Variants in GNG12 observed in about 807,000 individuals in gnomAD.
GNG12 encodes the protein G protein subunit gamma 12.
For synonymous variants in GNG12, 28 were observed against 29.7 expected, an observed-to-expected ratio of 0.94 and a Z score of 0.19; for missense variants, 69 against 83.8, an observed-to-expected ratio of 0.82 and a Z score of 0.69.
intron 2 of GNG12, among the ~76,000 whole-genome samples, chr1:67,770,904 A>G (rs1646670504): frequency 6.6e-6 from 1 of 152,136 alleles, no homozygotes; most frequent in Admixed American, 6.6e-5. Flanking sequence ...CCTCCCTTGG[A>G]ATGAATACTG....
At chr1:67,783,364 C>A (rs373250472) in intron 1 of GNG12, among the ~76,000 whole-genome samples, 1 of 152,106 alleles carries the variant, frequency 6.6e-6, no homozygotes, top group African/African-American at 2.4e-5. Flanking sequence ...AAATTCCTAA[C>A]GGTGAAATTA....
At chr1:67,800,813 T>C (rs962353944) in intron 1 of GNG12, among the ~76,000 whole-genome samples, 2 of 151,868 alleles carry the variant, frequency 1.3e-5, no homozygotes, top group Admixed American at 6.5e-5. Context: ...AAATAATATC[T>C]TAATATGATT....
chr1:67,746,831 A>C (rs1292683364), intron 2 of GNG12, among the ~76,000 whole-genome samples: 1 of 152,234 alleles, frequency 6.6e-6, no homozygotes, highest in Non-Finnish European at 1.5e-5. Flanking sequence ...AGGTGAAAAG[A>C]GACAACAGAA....
At chr1:67,796,350 C>G (rs1164594205) in intron 1 of GNG12, among the ~76,000 whole-genome samples, 1 of 152,120 alleles carries the variant, frequency 6.6e-6, no homozygotes, top group Non-Finnish European at 1.5e-5. Flanking sequence ...GACTGGCACA[C>G]TCAGGATGCT....
intron 1 of GNG12, among the ~76,000 whole-genome samples, chr1:67,792,186 C>T (rs534723374): frequency 2.0e-5 from 3 of 151,908 alleles, no homozygotes; most frequent in East Asian, 2.0e-4. Flanking sequence ...TGAATTATTC[C>T]CTCTCCTTCA....
chr1:67,770,944 A>G (rs903423656), intron 2 of GNG12, among the ~76,000 whole-genome samples: 2 of 152,062 alleles, frequency 1.3e-5, no homozygotes, highest in Non-Finnish European at 2.9e-5. Context: ...GGGCATTTCA[A>G]ATTTCCAAAA....
chr1:67,813,539 T>C (rs1646937893), intron 1 of GNG12, among the ~76,000 whole-genome samples: 1 of 152,216 alleles, frequency 6.6e-6, no homozygotes, highest in Non-Finnish European at 1.5e-5. Context: ...AGCTCCTGTC[T>C]TCCTTGACCC....
At chr1:67,816,349 G>A (rs1232151515) in intron 1 of GNG12, among the ~76,000 whole-genome samples, 1 of 152,082 alleles carries the variant, frequency 6.6e-6, no homozygotes, top group Non-Finnish European at 1.5e-5. Context: ...AAGGTGGAAG[G>A]GAAATGTATT....
intron 2 of GNG12, among the ~76,000 whole-genome samples, chr1:67,765,993 C>A (rs1410967438): frequency 2.0e-5 from 3 of 152,002 alleles, no homozygotes; most frequent in African/African-American, 7.3e-5. Flanking sequence ...CAGCTGTGAG[C>A]CTTAAGCCTG....
intron 1 of GNG12, among the ~76,000 whole-genome samples, chr1:67,814,622 T>C (rs1646943472): frequency 6.6e-6 from 1 of 152,248 alleles, no homozygotes; most frequent in African/African-American, 2.4e-5. Flanking sequence ...GGACTTTCTG[T>C]CCTCTTGTAG....
chr1:67,706,765 C>T (rs1646251031), intron 3 of GNG12, among the ~76,000 whole-genome samples: 1 of 151,742 alleles, frequency 6.6e-6, no homozygotes, highest in African/African-American at 2.4e-5. Context: ...AAGCAATTCT[C>T]CTGCCTCAGC....
chr1:67,746,468 C>G (rs1263178960), intron 2 of GNG12, among the ~76,000 whole-genome samples: 1 of 151,938 alleles, frequency 6.6e-6, no homozygotes, highest in African/African-American at 2.4e-5. Flanking sequence ...TTCTTCTCAG[C>G]AATCAACTCA....
intron 1 of GNG12, among the ~76,000 whole-genome samples, chr1:67,809,437 A>G (rs1219748944): frequency 6.6e-6 from 1 of 152,218 alleles, no homozygotes; most frequent in Non-Finnish European, 1.5e-5. Flanking sequence ...AATAAGCTAC[A>G]CTTCATTAAA....
chr1:67,770,647 C>T (rs142234312), intron 2 of GNG12, among the ~76,000 whole-genome samples: 19 of 152,076 alleles, frequency 1.2e-4, no homozygotes, highest in African/African-American at 4.1e-4. Context: ...ACCCAAATCC[C>T]GGGGGGCCCA....
chr1:67,827,929 A>C (rs1448272298), intron 1 of GNG12, among the ~76,000 whole-genome samples: 1 of 152,206 alleles, frequency 6.6e-6, no homozygotes, highest in Non-Finnish European at 1.5e-5. Flanking sequence ...AAATGGAATA[A>C]TCTAGCTACA....
At chr1:67,826,762 A>C (rs1647013278) in intron 1 of GNG12, among the ~76,000 whole-genome samples, 1 of 152,194 alleles carries the variant, frequency 6.6e-6, no homozygotes, top group Non-Finnish European at 1.5e-5. Flanking sequence ...CCTTAGATTT[A>C]GCTCATGTTG....
rs536998272 is a variant in GNG12 at position 67,705,343 on chromosome 1, T to C, written c.*108A>G. 1.5e-5 allele frequency: 23 copies of C among 1,485,662 alleles called. No individual in the cohort carries two copies. The East Asian group carries it at 4.2e-4, about 27-fold the overall frequency. The allele number at this position is 1,485,662 out of a possible 1,614,324, so 92.0% of individuals were successfully genotyped here. ...AGTCCATTATTCCAAGCTGAGAACA[T>C]TTTAGTTATTAGCAGTGGTTACCAA... On this transcript the variant is annotated 3_prime_UTR_variant, in exon 4 of 4. Transcript: ENST00000370982.
chr1:67,766,612 T>G (rs1423916493), intron 2 of GNG12, among the ~76,000 whole-genome samples: 1 of 151,832 alleles, frequency 6.6e-6, no homozygotes, highest in Non-Finnish European at 1.5e-5. Context: ...GGTGTTTTTT[T>G]TTTTTTTTTC....
chr1:67,824,213 T>C (rs538646832), intron 1 of GNG12, among the ~76,000 whole-genome samples: 5 of 152,030 alleles, frequency 3.3e-5, no homozygotes, highest in Admixed American at 2.6e-4. Flanking sequence ...AATTTGCTAT[T>C]TAAAGAAATC....
Sources: allele counts gnomAD v4.1 joint callset (sites outside exome capture counted in the v4.1 genomes callset), GRCh38; gene constraint gnomAD v4.1.1; transcripts MANE v1.5; gene names NCBI Gene and HGNC (gene_info 2026-07-23, HGNC 2026-07-21).